CMC1: variants seen among roughly 807,000 people sequenced by gnomAD.
CMC1 encodes COX assembly mitochondrial protein homolog.
In CMC1, 14 loss-of-function variants were observed where a neutral mutation model predicts 14.1. That is an observed-to-expected ratio of 0.99 (90% CI 0.66 to 1.55). The LOEUF (loss-of-function observed/expected upper bound fraction) is 1.55, where lower values mean the gene tolerates loss of function less well. CMC1 is among the 40% of genes most tolerant of loss of function. The pLI is 0.00. For synonymous variants in CMC1, 50 were observed against 38.4 expected (o/e 1.30, Z -1.12); for missense variants, 127 against 123.8 (o/e 1.03, Z -0.12).
chr3:28,311,611 C>T (rs1384154147), intron 2 of CMC1, among the ~76,000 whole-genome samples: 1 of 152,172 alleles, frequency 6.6e-6, no homozygotes, highest in African/African-American at 2.4e-5. Context: ...TGTCTTCAGG[C>T]ACTTTTTACT....
At chr3:28,259,946 A>C (rs1025820783) in intron 1 of CMC1, among the ~76,000 whole-genome samples, 1 of 152,130 alleles carries the variant, frequency 6.6e-6, no homozygotes, top group Non-Finnish European at 1.5e-5. Context: ...AGTATGATGT[A>C]AGCTAGAAGA....
At chr3:28,307,506 C>G (rs1702386978) in intron 2 of CMC1, among the ~76,000 whole-genome samples, 2 of 151,910 alleles carry the variant, frequency 1.3e-5, no homozygotes, top group Non-Finnish European at 1.5e-5. Context: ...GCCTGGGTGA[C>G]AAGAAAAAAA....
chr3:28,284,277 T>C (rs966836420), intron 2 of CMC1, among the ~76,000 whole-genome samples: 1 of 152,190 alleles, frequency 6.6e-6, no homozygotes, highest in South Asian at 2.1e-4. Flanking sequence ...TTTTGTGTTA[T>C]CTTTTTCTTT....
intron 2 of CMC1, among the ~76,000 whole-genome samples, chr3:28,287,900 T>G (rs1165054071): frequency 1.3e-5 from 2 of 152,012 alleles, no homozygotes; most frequent in Non-Finnish European, 2.9e-5. Flanking sequence ...TTGGCTATAA[T>G]ATAGCTCTGT....
At chr3:28,273,676 A>T (rs150325646) in intron 2 of CMC1, among the ~76,000 whole-genome samples, 1 of 152,242 alleles carries the variant, frequency 6.6e-6, no homozygotes, top group East Asian at 1.9e-4. Context: ...TGTCTCGATG[A>T]TCTGTCTGAT....
At chr3:28,250,144 G>A (rs2125428183) in intron 1 of CMC1, among the ~76,000 whole-genome samples, 1 of 152,320 alleles carries the variant, frequency 6.6e-6, no homozygotes, top group Admixed American at 6.5e-5. Context: ...TGAATTTGGA[G>A]AATGGTAAAC....
chr3:28,269,222 C>T (rs1700151971), intron 2 of CMC1, among the ~76,000 whole-genome samples: 1 of 152,096 alleles, frequency 6.6e-6, no homozygotes, highest in African/African-American at 2.4e-5. Context: ...TAACAGGGGA[C>T]TACTGTATAA....
At chr3:28,253,408 C>T (rs1699232803) in intron 1 of CMC1, among the ~76,000 whole-genome samples, 1 of 152,036 alleles carries the variant, frequency 6.6e-6, no homozygotes, top group Admixed American at 6.5e-5. Flanking sequence ...GAGATCCCAT[C>T]TCTATAAAGT....
At chr3:28,293,593 T>G (rs1236510138) in intron 2 of CMC1, among the ~76,000 whole-genome samples, 1 of 152,260 alleles carries the variant, frequency 6.6e-6, no homozygotes, top group African/African-American at 2.4e-5. Flanking sequence ...ATATTCTTTC[T>G]TTTTTTGAGA....
intron 2 of CMC1, among the ~76,000 whole-genome samples, chr3:28,308,780 C>T (rs547570608): frequency 2.6e-4 from 39 of 152,086 alleles, no homozygotes; most frequent in African/African-American, 8.9e-4. Context: ...GTCAGGTGAT[C>T]GAGACCATCC....
intron 1 of CMC1, among the ~76,000 whole-genome samples, chr3:28,243,236 A>G (rs761862955): frequency 2.6e-5 from 4 of 151,858 alleles, no homozygotes; most frequent in Non-Finnish European, 5.9e-5. Context: ...TTGTATTTTT[A>G]GTAGAGATGA....
chr3:28,308,854 A>C (rs534164647), intron 2 of CMC1, among the ~76,000 whole-genome samples: 2 of 152,050 alleles, frequency 1.3e-5, no homozygotes, highest in African/African-American at 2.4e-5. Flanking sequence ...GTGGTGGCGC[A>C]TGCCTGTAGT....
intron 2 of CMC1, among the ~76,000 whole-genome samples, chr3:28,286,128 G>A (rs563367821): frequency 1.3e-5 from 2 of 152,096 alleles, no homozygotes; most frequent in South Asian, 4.1e-4. Flanking sequence ...TCTAATTTTT[G>A]AGTTTCATTA....
At position 28,241,669 on chromosome 3, in the gene CMC1, C is replaced by A. The variant is rs111337257; in HGVS notation, c.-125C>A. On this transcript the variant is annotated 5_prime_UTR_variant, in exon 1 of 4. Coordinates refer to ENST00000466830, the MANE Select transcript of CMC1 (RefSeq NM_182523.2). ...TCCTGGCGGTGCTTTGCAAAGGGCC[C>A]GTGTTTCTGTTGCGGGAAGCTCCCG... 8 of 1,234,572 alleles carry A rather than the reference C, an allele frequency of 6.5e-6. No individual in the cohort carries two copies. Among genetic ancestry groups the A allele is most frequent in the African/African-American group, 1.6e-5 (1 of 64,322 alleles). The allele number at this position is 1,234,572 out of a possible 1,614,324, so 76.5% of individuals were successfully genotyped here.
At chr3:28,302,077 C>G (rs1559437897) in intron 2 of CMC1, among the ~76,000 whole-genome samples, 1 of 152,188 alleles carries the variant, frequency 6.6e-6, no homozygotes, top group African/African-American at 2.4e-5. Flanking sequence ...AAGTCTAGAA[C>G]AAGACAGCTG....
chr3:28,271,859 G>A (rs1226193048), intron 2 of CMC1, among the ~76,000 whole-genome samples: 2 of 152,162 alleles, frequency 1.3e-5, no homozygotes, highest in Non-Finnish European at 2.9e-5. Context: ...CTATCCATGA[G>A]CATGGAATGT....
intron 1 of CMC1, among the ~76,000 whole-genome samples, chr3:28,244,588 G>C (rs1261836944): frequency 6.6e-6 from 1 of 152,126 alleles, no homozygotes; most frequent in Non-Finnish European, 1.5e-5. Context: ...ATTTAGCCAG[G>C]CATGGTGGCA....
At chr3:28,315,198 T>C (rs1284850808) in intron 2 of CMC1, 1 of 152,316 alleles carries the variant, frequency 6.6e-6, no homozygotes, top group Non-Finnish European at 1.5e-5. Context: ...GCAAAGCATA[T>C]TGTCCTGTGT....
At chr3:28,280,453 G>A (rs944456217) in intron 2 of CMC1, among the ~76,000 whole-genome samples, 14 of 152,112 alleles carry the variant, frequency 9.2e-5, no homozygotes, top group Non-Finnish European at 1.0e-4. Flanking sequence ...CATGCATGAT[G>A]AAGTATTTCT....
Sources: gnomAD v4.1 joint callset for allele counts (sites outside exome capture counted in the v4.1 genomes callset) on GRCh38, gnomAD v4.1.1 for gene constraint, MANE v1.5 for transcripts, NCBI Gene and HGNC (gene_info 2026-07-23, HGNC 2026-07-21) for gene names.